Variants in ZBTB34 observed in about 807,000 individuals in gnomAD.
The protein encoded by ZBTB34 is zinc finger and BTB domain-containing protein 34.
In ZBTB34, 1 loss-of-function variant was observed where a neutral mutation model predicts 33.4. That is an observed-to-expected ratio of 0.03 (90% CI 0.01 to 0.14). ZBTB34 has a LOEUF of 0.14. Among genes scored for constraint, ZBTB34 ranks in the 10% least tolerant of loss-of-function variants. The probability of loss-of-function intolerance (pLI) is 1.00; values close to 1 mark genes in which losing one functional copy is unlikely to be tolerated. For synonymous variants in ZBTB34, 283 were observed against 253.5 expected, an observed-to-expected ratio of 1.12 and a Z score of -1.11; for missense variants, 406 against 657.2, an observed-to-expected ratio of 0.62 and a Z score of 4.18.
intron 1 of ZBTB34, among the ~76,000 whole-genome samples, chr9:126,865,772 G>T (rs2072180836): frequency 1.3e-5 from 2 of 152,154 alleles, no homozygotes; most frequent in African/African-American, 4.8e-5. Flanking sequence ...ATCCCTTGAG[G>T]CCAGGAGTTC....
At chr9:126,881,096 G>C (rs1206735782) in exon 2 of ZBTB34, 1 of 680,996 alleles carries the variant, frequency 1.5e-6, no homozygotes, top group Non-Finnish European at 2.5e-6. Flanking sequence ...CCTCCCCGAA[G>C]GAGCTCAAAG....
At chr9:126,884,371 A>G (rs1433140591) in exon 2 of ZBTB34, 1 of 167,076 alleles carries the variant, frequency 6.0e-6, no homozygotes, top group Non-Finnish European at 1.5e-5. Context: ...TATATTTGTA[A>G]ATACAGTATA....
In ZBTB34 at chr9:126,879,803, T is replaced by C; in HGVS notation, c.404T>C (p.Val135Ala). The C allele has an allele frequency of 6.2e-7, 1 of 1,613,238 alleles. No homozygotes were observed. Among genetic ancestry groups the C allele is most frequent in the Non-Finnish European group, 8.5e-7 (1 of 1,179,870 alleles). ...GAGAGCATCCATTCCAAAATCAGCG[T>C]TGGAGATGTTGACTCTGTTACCGTC... is the stretch of plus-strand genomic sequence containing the variant. Residue 135 changes from valine to alanine, a missense_variant, in exon 2 of 2, where the codon GTT (valine) becomes GCT (alanine). Around this residue, in one of 6 missense-constraint regions of ZBTB34, gnomAD observed 137 missense variants for 173.0 expected, o/e 0.79. Transcript: ENST00000319119. The surrounding 1 kb of genome is among the most constrained non-coding windows in gnomAD (Gnocchi z 6.4).
At chr9:126,883,756 A>C (rs1358707619) in exon 2 of ZBTB34, 2 of 167,122 alleles carry the variant, frequency 1.2e-5, no homozygotes, top group Non-Finnish European at 2.9e-5. Flanking sequence ...GCTTCGAGGG[A>C]GGCAGCGCCT....
intron 1 of ZBTB34, among the ~76,000 whole-genome samples, chr9:126,871,425 C>T (rs1350292636): frequency 4.0e-5 from 6 of 148,738 alleles, no homozygotes; most frequent in East Asian, 4.0e-4. Context: ...TGCAGTGGCG[C>T]GATCTCGGCT....
At chr9:126,868,595 G>A (rs2033239064) in intron 1 of ZBTB34, among the ~76,000 whole-genome samples, 1 of 152,220 alleles carries the variant, frequency 6.6e-6, no homozygotes, top group Non-Finnish European at 1.5e-5. Context: ...CACCTTTGCA[G>A]TGTGGCTTCC....
At chr9:126,878,990 C>T (rs1408473480) in intron 1 of ZBTB34, among the ~76,000 whole-genome samples, 1 of 152,116 alleles carries the variant, frequency 6.6e-6, no homozygotes, top group Non-Finnish European at 1.5e-5. Flanking sequence ...TCCCAAAGTG[C>T]TGGGATTATA....
rs1307556200 is a variant in ZBTB34, at chr9:126,880,851, G to T, written c.1452G>T (p.Ser484=). 1 of 1,613,168 alleles carries T rather than the reference G, an allele frequency of 6.2e-7. No individual in the cohort carries two copies. Among genetic ancestry groups the T allele is most frequent in the East Asian group, 2.2e-5 (1 of 44,852 alleles). ...AACAGAAACTAGAAAATGACGCATC[G>T]GCCTCAGAGATGGGCCTAGATTCCC... Residue 484 remains serine, a synonymous_variant, in exon 2 of 2, where the codon TCG becomes TCT. Coordinates refer to ENST00000319119, the Ensembl canonical transcript of ZBTB34. This position sits in a 1 kb window ranked among gnomAD's most constrained non-coding sequence, Gnocchi z 6.7.
In ZBTB34 at chr9:126,879,997, G is replaced by A; in HGVS notation, c.598G>A (p.Glu200Lys). 1 of 1,613,582 alleles carries A rather than the reference G, an allele frequency of 6.2e-7. No homozygotes were observed. Among genetic ancestry groups the A allele is most frequent in the Non-Finnish European group, 8.5e-7 (1 of 1,179,894 alleles). The change falls in exon 2 of 2, where the codon GAG becomes AAG. Residue 200 changes from glutamate to lysine, a missense_variant. Transcript: ENST00000319119. This position sits in a 1 kb window ranked among gnomAD's most constrained non-coding sequence, Gnocchi z 6.4. ...CAAAGCTTTGCGCAGCCGCTTACAGGAGGAGGGGCACTCAGACCGCGGGAG... is the reference window on the plus strand; with the variant it reads ...CAAAGCTTTGCGCAGCCGCTTACAGAAGGAGGGGCACTCAGACCGCGGGAG...
intron 1 of ZBTB34, among the ~76,000 whole-genome samples, chr9:126,864,354 C>G (rs1278656139): frequency 6.6e-6 from 1 of 152,102 alleles, no homozygotes; most frequent in Non-Finnish European, 1.5e-5. Flanking sequence ...GCCTACTGAC[C>G]GTTAGTCCTT....
chr9:126,860,904 C>T (rs1024442188), intron 1 of ZBTB34, among the ~76,000 whole-genome samples, 165 bp downstream of exon 1: 2 of 148,690 alleles, frequency 1.3e-5, no homozygotes, highest in African/African-American at 2.5e-5. Context: ...GCGGCCGGCG[C>T]GGGCGGGAGC....
chr9:126,872,176 C>T (rs2033288478), intron 1 of ZBTB34, among the ~76,000 whole-genome samples: 2 of 152,122 alleles, frequency 1.3e-5, no homozygotes, highest in Non-Finnish European at 2.9e-5. Context: ...GTCTCGACCT[C>T]CCAACCTGAG....
In ZBTB34 at chr9:126,880,999, C is replaced by A; in HGVS notation, c.*85C>A. The A allele has an allele frequency of 7.1e-7, 1 of 1,413,322 alleles. No homozygotes were observed. The highest frequency in any genetic ancestry group is 9.5e-7 in the Non-Finnish European group (1 of 1,054,760). The allele number at this position is 1,413,322 out of a possible 1,614,324, so 87.5% of individuals were successfully genotyped here. On this transcript the variant is annotated 3_prime_UTR_variant, in exon 2 of 2. Transcript: ENST00000319119. This position sits in a 1 kb window ranked among gnomAD's most constrained non-coding sequence, Gnocchi z 6.7. ...TTGTTGTAATCTTTGGTTTTCCCAACCATCTGGAAATCTCTTGGTCTCTTG... is the reference window on the plus strand; with the variant it reads ...TTGTTGTAATCTTTGGTTTTCCCAAACATCTGGAAATCTCTTGGTCTCTTG...
chr9:126,884,239 C>T (rs1429128713), exon 2 of ZBTB34: 1 of 167,028 alleles, frequency 6.0e-6, no homozygotes. Context: ...CCTGTTATTA[C>T]AAACTGTGAA....
intron 1 of ZBTB34, among the ~76,000 whole-genome samples, chr9:126,869,571 C>T (rs1566210): frequency 1 from 152,157 of 152,186 alleles, 76,065 homozygotes; most frequent in Middle Eastern, 1. Context: ...CCTTTCACAG[C>T]AGCCCAGGCT....
chr9:126,873,628 G>A (rs957095976), intron 1 of ZBTB34, among the ~76,000 whole-genome samples: 8 of 151,326 alleles, frequency 5.3e-5, no homozygotes, highest in South Asian at 2.1e-4. Context: ...TTTTTGAGAC[G>A]GAGTCTTGCT....
At chr9:126,871,109 AT>A (rs2033271361) in intron 1 of ZBTB34, among the ~76,000 whole-genome samples, 1 of 152,044 alleles carries the variant, frequency 6.6e-6, no homozygotes, top group African/African-American at 2.4e-5. Context: ...GAAATGAAAA[AT>A]TTACCACAAT....
chr9:126,873,181 AT>A (rs2033304166), intron 1 of ZBTB34, among the ~76,000 whole-genome samples: 1 of 152,114 alleles, frequency 6.6e-6, no homozygotes, highest in Non-Finnish European at 1.5e-5. Flanking sequence ...AGTAGGTAAC[AT>A]TTGCCTATTT....
At chr9:126,863,222 C>T (rs1356506868) in intron 1 of ZBTB34, among the ~76,000 whole-genome samples, 1 of 152,144 alleles carries the variant, frequency 6.6e-6, no homozygotes, top group Admixed American at 6.5e-5. Flanking sequence ...TGCCTCTGAG[C>T]CTCCGTTTCT....
Sources: allele counts gnomAD v4.1 joint callset (sites outside exome capture counted in the v4.1 genomes callset), GRCh38; gene constraint gnomAD v4.1.1; regional missense constraint gnomAD v4.1.1; non-coding constraint Gnocchi (gnomAD v3.1); transcripts MANE v1.5; gene names NCBI Gene and HGNC (gene_info 2026-07-23, HGNC 2026-07-21).